The following MUC5B variants were observed in gnomAD, a reference collection of about 807,000 sequenced individuals.
MUC5B encodes mucin-5B.
A neutral mutation model predicts 376.9 loss-of-function variants in MUC5B; 116 were observed. The ratio of observed to expected loss-of-function variants is 0.31; its 90% CI spans 0.26 to 0.36. The LOEUF (loss-of-function observed/expected upper bound fraction) is 0.36. Ranked by LOEUF, MUC5B falls within the 10% of genes least tolerant of loss-of-function variation. The probability of loss-of-function intolerance (pLI) is 1.00; values close to 1 mark genes in which losing one functional copy is unlikely to be tolerated. For synonymous variants in MUC5B, 3,517 were observed against 3,390.9 expected (o/e 1.04, Z -1.29); for missense variants, 7,165 against 7,769.9 (o/e 0.92, Z 2.93).
chr11:1,234,092 T>G lies in MUC5B; in HGVS notation c.2378-113T>G. 2.1e-6 allele frequency: 2 copies of G among 947,610 alleles called. No homozygotes were observed. Among genetic ancestry groups the G allele is most frequent in the Non-Finnish European group, 1.6e-6 (1 of 613,418 alleles). 58.7% of individuals were successfully genotyped at this position (947,610 alleles called of 1,614,324 possible). On this transcript the variant is annotated intron_variant, in intron 19 of 48. Transcript: ENST00000529681. This position sits in a 1 kb window ranked among gnomAD's most constrained non-coding sequence, Gnocchi z 6.3. ...GGGGGCTGCAGGTGTCATGGAAGCT[T>G]TGGCTCGGGGGCTGTTAACTTGATC...
chr11:1,240,106 G>C lies in MUC5B; in HGVS notation c.3772+18G>C. The C allele has an allele frequency of 6.4e-7, 1 of 1,563,014 alleles. No individual in the cohort carries two copies. ...CCTTGAGGGTAAGGAAGGGCCGGGG[G>C]GTTAGTGGGCCGGTGAAGGCTGGGG... On this transcript the variant is annotated intron_variant, in intron 29 of 48. Transcript: ENST00000529681.
In MUC5B at chr11:1,230,388, C is replaced by T; in HGVS notation, c.1360-102C>T. On this transcript the variant is annotated intron_variant, in intron 11 of 48. Coordinates refer to ENST00000529681, the MANE Select transcript of MUC5B (RefSeq NM_002458.3). ...ACCAGAGGTGCCAAGGACCACCTCC[C>T]CACAGAGCCACATCCCCCACATGGG... is the stretch of plus-strand genomic sequence containing the variant. The T allele has an allele frequency of 1.6e-6, 2 of 1,231,132 alleles. 1 individual carries two copies. The highest frequency in any genetic ancestry group is 4.5e-5 in the Admixed American group (2 of 44,306). The allele number at this position is 1,231,132 out of a possible 1,614,324, so 76.3% of individuals were successfully genotyped here.
chr11:1,232,526 C>T lies in MUC5B; in HGVS notation c.1920C>T (p.Asn640=), dbSNP rs369893169. The change falls in exon 16 of 49, where the codon AAC becomes AAT. Residue 640 remains asparagine, a synonymous_variant. Coordinates refer to ENST00000529681, the MANE Select transcript of MUC5B (RefSeq NM_002458.3). The part of the protein sequence containing the change: ...SAFSRCHSII[N]PKPFHSNCMF... The stretch of plus-strand genomic sequence containing the variant: ...TCTCGCGCTGCCACTCCATCATCAA[C>T]CCCAAGCCCTTCCACTCGGTGAGAG... 7 of 1,611,174 alleles carry T rather than the reference C, an allele frequency of 4.3e-6. No homozygotes were observed. The highest frequency in any genetic ancestry group is 5.9e-6 in the Non-Finnish European group (7 of 1,179,200).
At position 1,226,771 on chromosome 11, in the gene MUC5B, G is replaced by A. The variant is rs199733278; in HGVS notation, c.356G>A (p.Arg119His). 4.6e-4 allele frequency: 749 copies of A among 1,612,402 alleles called. 1 individual carries two copies. The highest frequency in any genetic ancestry group is 1.6e-4 in the Middle Eastern group (1 of 6,084). ...TACGAGGACTTCAACGTCCAGCTACGCCGAGGCCTAGTGGGCTCCAGGCCT... is the reference window on the plus strand; with the variant it reads ...TACGAGGACTTCAACGTCCAGCTACACCGAGGCCTAGTGGGCTCCAGGCCT... ...AAYEDFNVQL[R>H]RGLVGSRPVV... The change falls in exon 4 of 49, where the codon CGC becomes CAC. Residue 119 changes from arginine to histidine, a missense_variant. By Grantham distance (29) the Arg-to-His change is conservative (BLOSUM62 0). Around this residue, in one of 31 missense-constraint regions of MUC5B, gnomAD observed 640 missense variants for 733.0 expected, o/e 0.87. Coordinates refer to ENST00000529681, the MANE Select transcript of MUC5B (RefSeq NM_002458.3).
Position 1,249,668 on chromosome 11 carries a change from C to G in MUC5B, c.12788C>G (p.Thr4263Ser). ...LTTTATTTAS[T>S]GSTATPSSTP... ...ACAACAGCCACTACGACTGCATCCA[C>G]TGGATCCACGGCCACCCCGTCCTCC... Residue 4263 changes from threonine to serine, a missense_variant, in exon 31 of 49, where the codon ACT becomes AGT. Around this residue, in one of 31 missense-constraint regions of MUC5B, gnomAD observed 431 missense variants for 390.4 expected, o/e 1.10. Coordinates refer to ENST00000529681, the MANE Select transcript of MUC5B (RefSeq NM_002458.3). 1.9e-6 allele frequency: 3 copies of G among 1,611,304 alleles called. No homozygotes were observed.
At position 1,244,134 on chromosome 11, in the gene MUC5B, G is replaced by A. The variant is rs763410943; in HGVS notation, c.7254G>A (p.Pro2418=). The A allele has an allele frequency of 1.4e-4, 231 of 1,611,982 alleles. No homozygotes were observed. The highest frequency in any genetic ancestry group is 1.7e-4 in the Non-Finnish European group (205 of 1,179,242). The part of the protein sequence containing the change: ...CCNYGHCPST[P]ATSSTAMPSS... ...ACTACGGCCACTGCCCCAGCACCCC[G>A]GCCACCAGCTCTACGGCCATGCCCT... is the stretch of plus-strand genomic sequence containing the variant. Residue 2418 remains proline (P), a synonymous_variant, in exon 31 of 49, where the codon CCG becomes CCA. Transcript: ENST00000529681.
intron 13 of MUC5B, 119 bp from the exon 14 acceptor site, chr11:1,231,304 C>G (rs534026884): frequency 7.8e-7 from 1 of 1,274,290 alleles, no homozygotes; most frequent in African/African-American, 1.5e-5. Context: ...CCTGGCCACT[C>G]CTGGGTCTCA....
rs750800753 is a variant in MUC5B, at chr11:1,252,805, C to T, written c.15046-4C>T. The T allele has an allele frequency of 6.2e-7, 1 of 1,603,520 alleles. No homozygotes were observed. Among genetic ancestry groups the T allele is most frequent in the African/African-American group, 1.3e-5 (1 of 74,700 alleles). ...GGTGAGGACGTGCATGTTCCCTGCC[C>T]CAGGTGAATGAGACCTGGACCCTGG... On this transcript the variant is annotated splice_polypyrimidine_tract_variant and splice_region_variant and intron_variant, in intron 32 of 48. Transcript: ENST00000529681.
In MUC5B at chr11:1,252,872, G is replaced by T. The variant is rs200849036; in HGVS notation, c.15109G>T (p.Val5037Phe). ...CAGGTGCGTGGGTGACAACCGTGTCGTCCTGCTGGACCCAAAGCCTGTGGC... is the reference window on the plus strand; with the variant it reads ...CAGGTGCGTGGGTGACAACCGTGTCTTCCTGCTGGACCCAAAGCCTGTGGC... ...VARCVGDNRVVLLDPKPVANV... is the reference protein window; with the variant it reads ...VARCVGDNRVFLLDPKPVANV... Residue 5037 changes from valine (V) to phenylalanine (F), a missense_variant, in exon 33 of 49, where the codon GTC becomes TTC. By Grantham distance (50) the Val-to-Phe change is conservative. Transcript: ENST00000529681. 6.2e-7 allele frequency: 1 copy of T among 1,612,612 alleles called. No individual in the cohort carries two copies. The highest frequency in any genetic ancestry group is 8.5e-7 in the Non-Finnish European group (1 of 1,179,838).
Position 1,229,306 on chromosome 11 carries a change from T to A in MUC5B, c.1102+11T>A. 6.4e-7 allele frequency: 1 copy of A among 1,561,374 alleles called. No individual in the cohort carries two copies. The highest frequency in any genetic ancestry group is 8.6e-7 in the Non-Finnish European group (1 of 1,158,042). On this transcript the variant is annotated intron_variant, in intron 9 of 48. Coordinates refer to ENST00000529681, the MANE Select transcript of MUC5B (RefSeq NM_002458.3). ...GCTTCTGCCCCCCAGGCAGGTCTTG[T>A]GTGCCCTGAACCCCTCAGGGGGCTT...
intron 34 of MUC5B, 102 bp from the exon 35 acceptor site, chr11:1,254,592 G>T: frequency 2.3e-6 from 3 of 1,303,604 alleles, no homozygotes; most frequent in Middle Eastern, 2.0e-4. Context: ...GGGATACACA[G>T]GGGGGTCTCT....
At chr11:1,228,415 C>T in intron 7 of MUC5B, 149 bp from the exon 8 acceptor site, 1 of 717,346 alleles carries the variant, frequency 1.4e-6, no homozygotes, top group Non-Finnish European at 2.2e-6. Context: ...CTCTGCATGG[C>T]CACAGTGGGT....
At position 1,226,807 on chromosome 11, in the gene MUC5B, G is replaced by A. The variant is rs767773505; in HGVS notation, c.392G>A (p.Arg131His). 8.7e-6 allele frequency: 14 copies of A among 1,611,526 alleles called. No homozygotes were observed. The highest frequency in any genetic ancestry group is 3.3e-5 in the South Asian group (3 of 91,068). ...GLVGSRPVVT[R>H]VVIKAQGLVL... Reference sequence around the variant, plus strand: ...GTGGGCTCCAGGCCTGTGGTCACCCGTGTTGTCATCAAGGCCCAGGGGCTG... The same window carrying A: ...GTGGGCTCCAGGCCTGTGGTCACCCATGTTGTCATCAAGGCCCAGGGGCTG... The change falls in exon 4 of 49, where the codon CGT becomes CAT. Residue 131 changes from arginine (R) to histidine (H), a missense_variant. Coordinates refer to ENST00000529681, the MANE Select transcript of MUC5B (RefSeq NM_002458.3).
In MUC5B at chr11:1,242,403, C is replaced by T. The variant is rs779161973; in HGVS notation, c.5523C>T (p.Asp1841=). 6 of 1,613,758 alleles carry T rather than the reference C, an allele frequency of 3.7e-6. No individual in the cohort carries two copies. In the African/African-American group the frequency reaches 8.0e-5, roughly 22 times the overall value. ...RAENYPEVSI[D]QVGQVLTCSL... is the part of the protein sequence containing the mutation. The stretch of plus-strand genomic sequence containing the variant: ...AGAACTACCCCGAGGTAAGCATCGA[C>T]CAGGTCGGGCAGGTGCTGACCTGCA... The change falls in exon 31 of 49, where the codon GAC becomes GAT. Residue 1841 remains aspartate (D), a synonymous_variant. Coordinates refer to ENST00000529681, the MANE Select transcript of MUC5B (RefSeq NM_002458.3).
Position 1,258,568 on chromosome 11 carries a change from G to A in MUC5B, c.16593+201G>A, listed in dbSNP as rs1255936192. Reference sequence around the variant, plus strand: ...GTCGACAGCCATGAGCTCCACAACTGCTGCCTCTGAGAGGTCCCTTCAGGG... The same window carrying A: ...GTCGACAGCCATGAGCTCCACAACTACTGCCTCTGAGAGGTCCCTTCAGGG... On this transcript the variant is annotated intron_variant, in intron 43 of 48. Transcript: ENST00000529681. The surrounding 1 kb of genome is among the most constrained non-coding windows in gnomAD (Gnocchi z 5.5). Among the ~76,000 whole-genome samples, 2 of 152,160 alleles carry A rather than the reference G, an allele frequency of 1.3e-5. No individual in the cohort carries two copies. The highest frequency in any genetic ancestry group is 2.9e-5 in the Non-Finnish European group (2 of 67,996).
Position 1,239,915 on chromosome 11 carries a change from G to T in MUC5B, c.3700G>T (p.Val1234Phe). 6 of 1,613,348 alleles carry T rather than the reference G, an allele frequency of 3.7e-6. No homozygotes were observed. Among genetic ancestry groups the T allele is most frequent in the Non-Finnish European group, 4.2e-6 (5 of 1,179,728 alleles). The change falls in exon 28 of 49, where the codon GTC (valine) becomes TTC (phenylalanine). Residue 1234 changes from valine (V) to phenylalanine (F), a missense_variant. Val to Phe is a conservative substitution (Grantham distance 50). Around this residue, in one of 31 missense-constraint regions of MUC5B, gnomAD observed 517 missense variants for 545.3 expected, o/e 0.95. Transcript: ENST00000529681. Reference sequence around the variant, plus strand: ...AAACTACTATGACGTCGGTGCAAGGGTCCCCACAGCGGAGAACTGCCAGAG... The same window carrying T: ...AAACTACTATGACGTCGGTGCAAGGTTCCCCACAGCGGAGAACTGCCAGAG... ...DGNYYDVGAR[V>F]PTAENCQSCN...
intron 38 of MUC5B, 113 bp downstream of exon 38, chr11:1,256,338 G>T: frequency 1.5e-6 from 1 of 652,078 alleles, no homozygotes; most frequent in Non-Finnish European, 2.8e-6. Flanking sequence ...TCTCTGGGGT[G>T]CCCGAGCCCA....
chr11:1,244,631 C>A lies in MUC5B; in HGVS notation c.7751C>A (p.Ala2584Asp), dbSNP rs1486561845. 2.5e-6 allele frequency: 4 copies of A among 1,613,672 alleles called. No homozygotes were observed. In the Admixed American group the frequency reaches 5.0e-5, roughly 20 times the overall value. The change falls in exon 31 of 49, where the codon GCC becomes GAC. Residue 2584 changes from alanine (A) to aspartate (D), a missense_variant. This residue lies in a region of MUC5B where 194 missense variants were observed against 268.5 expected (regional missense o/e 0.72). Transcript: ENST00000529681. ...ACCTCCACAGTGCTTACCACCACGGCCACCACAACCGGGGCCACCGGCTCT... is the reference window on the plus strand; with the variant it reads ...ACCTCCACAGTGCTTACCACCACGGACACCACAACCGGGGCCACCGGCTCT... The part of the protein sequence containing the change: ...VHTSTVLTTT[A>D]TTTGATGSVA...
chr11:1,223,186 G>C lies in MUC5B; in HGVS notation c.63G>C (p.Pro21=). Residue 21 remains proline (P), a synonymous_variant, in exon 1 of 49, where the codon CCG becomes CCC. Transcript: ENST00000529681. ...VLALAAMLVV[P]QAETQGPVEP... ...CTCTGGCGGCCATGCTCGTGGTGCCGCAGGCAGGTAAGAGCCCCCCACTCC... is the reference window on the plus strand; with the variant it reads ...CTCTGGCGGCCATGCTCGTGGTGCCCCAGGCAGGTAAGAGCCCCCCACTCC... 1.4e-6 allele frequency: 1 copy of C among 710,840 alleles called. No homozygotes were observed. The highest frequency in any genetic ancestry group is 2.6e-6 in the Non-Finnish European group (1 of 384,568). 44.0% of individuals were successfully genotyped at this position (710,840 alleles called of 1,614,324 possible). A position where few individuals can be genotyped will look rare whatever the true frequency, so the allele number is the denominator to read the frequency against.
Sources: allele counts gnomAD v4.1 joint callset (sites outside exome capture counted in the v4.1 genomes callset), GRCh38; gene constraint gnomAD v4.1.1; regional missense constraint gnomAD v4.1.1; non-coding constraint Gnocchi (gnomAD v3.1); transcripts MANE v1.5; gene names NCBI Gene and HGNC (gene_info 2026-07-23, HGNC 2026-07-21).